The following PSMC4 variants were observed in gnomAD, a reference collection of about 807,000 sequenced individuals.
The protein encoded by PSMC4 is 26S proteasome regulatory subunit 6B.
In PSMC4, 13 loss-of-function variants were observed where a neutral mutation model predicts 48.4. The observed-to-expected ratio is 0.27, with a 90% CI of 0.18 to 0.43. PSMC4 has a LOEUF of 0.43. Ranked by LOEUF, PSMC4 falls within the 20% of genes least tolerant of loss-of-function variation. The pLI is 1.00. For missense variants in PSMC4, 262 were observed against 555.9 expected (o/e 0.47, Z 5.32); for synonymous variants, 202 against 212.3 (o/e 0.95, Z 0.42).
rs148487688 is a variant in PSMC4, at chr19:39,977,104, T to C, written c.673+2276T>C. Among the ~76,000 whole-genome samples, 977 of 151,252 alleles carry C rather than the reference T, an allele frequency of 6.5e-3. 6 individuals are homozygous for C. The highest frequency in any genetic ancestry group is 0.021 in the African/African-American group (882 of 41,180). On this transcript the variant is annotated intron_variant, in intron 6 of 10. Coordinates refer to ENST00000157812, the MANE Select transcript of PSMC4 (RefSeq NM_006503.4). ...CTGGCCTCAGGTGATCCACCCACCT[T>C]GGCCTCCCAAAATTCTGGGATTACA...
intron 3 of PSMC4, among the ~76,000 whole-genome samples, chr19:39,973,173 C>A (rs1971133275): frequency 6.6e-6 from 1 of 152,140 alleles, no homozygotes; most frequent in African/African-American, 2.4e-5. Context: ...TGTTTTCTAT[C>A]CTATTCTAGT....
Position 39,980,667 on chromosome 19 carries a change from G to T in PSMC4, c.1093G>T (p.Ala365Ser), listed in dbSNP as rs745847777. Residue 365 changes from alanine to serine, a missense_variant, in exon 10 of 11, where the codon GCC becomes TCC. Around this residue, in one of 4 missense-constraint regions of PSMC4, gnomAD observed 84 missense variants for 157.8 expected, o/e 0.53. Transcript: ENST00000157812. The surrounding 1 kb of genome is among the most constrained non-coding windows in gnomAD (Gnocchi z 4.8). Reference sequence around the variant, plus strand: ...GTTTCCTTAACTCGCTGCAGATGTGGCCCGGCCAGATAAGATTTCAGGAGC... The same window carrying T: ...GTTTCCTTAACTCGCTGCAGATGTGTCCCGGCCAGATAAGATTTCAGGAGC... ...SEEVDLEDYV[A>S]RPDKISGADI... The T allele has an allele frequency of 6.2e-7, 1 of 1,614,032 alleles. No homozygotes were observed. The highest frequency in any genetic ancestry group is 1.1e-5 in the South Asian group (1 of 91,072).
rs753082611 is a variant in PSMC4, at chr19:39,980,333, A to G, written c.966A>G (p.Leu322=). The G allele has an allele frequency of 1.9e-6, 3 of 1,613,958 alleles. No individual in the cohort carries two copies. The highest frequency in any genetic ancestry group is 2.5e-6 in the Non-Finnish European group (3 of 1,180,028). Residue 322 remains leucine (L), a synonymous_variant, in exon 9 of 11, where the codon CTA becomes CTG. Coordinates refer to ENST00000157812, the MANE Select transcript of PSMC4 (RefSeq NM_006503.4). This position sits in a 1 kb window ranked among gnomAD's most constrained non-coding sequence, Gnocchi z 4.8. ...CAGACACCCTGGATCCGGCCCTGCT[A>G]CGGCCAGGACGGCTGGACCGTAAAA... The part of the protein sequence containing the change: ...NRADTLDPAL[L]RPGRLDRKIE...
intron 6 of PSMC4, among the ~76,000 whole-genome samples, chr19:39,978,456 C>A (rs1291951125): frequency 6.6e-6 from 1 of 152,066 alleles, no homozygotes; most frequent in Non-Finnish European, 1.5e-5. Flanking sequence ...AGTCAGAAAT[C>A]TTGAGGTTAG....
rs373773577 is a variant in PSMC4, at chr19:39,974,664, A to G, written c.579+31A>G. The G allele has an allele frequency of 1.3e-6, 2 of 1,571,382 alleles. No homozygotes were observed. The highest frequency in any genetic ancestry group is 2.7e-5 in the African/African-American group (2 of 74,548). On this transcript the variant is annotated intron_variant, in intron 5 of 10. Coordinates refer to ENST00000157812, the MANE Select transcript of PSMC4 (RefSeq NM_006503.4). The surrounding 1 kb of genome is among the most constrained non-coding windows in gnomAD (Gnocchi z 5.5). ...GCGGTGCAGGTGGCAGGGAAGGGAG[A>G]GGCCCCATTGGGTCTGGGGTTGGAG...
Position 39,981,133 on chromosome 19 carries a change from A to T in PSMC4, c.1144-59A>T, listed in dbSNP as rs555047877. 7.5e-5 allele frequency: 99 copies of T among 1,313,228 alleles called. No individual in the cohort carries two copies. The South Asian group carries it at 1.1e-3, about 14-fold the overall frequency. The allele number at this position is 1,313,228 out of a possible 1,614,324, so 81.3% of individuals were successfully genotyped here. ...CAGCCTCCCAAAGTGTCGGGATTAC[A>T]GGTGTGAGCCACTGTGCCCTGCCAC... On this transcript the variant is annotated intron_variant, in intron 10 of 10. Transcript: ENST00000157812.
intron 6 of PSMC4, chr19:39,979,582 A>C: frequency 8.4e-6 from 3 of 355,420 alleles, no homozygotes; most frequent in South Asian, 1.5e-4. Context: ...AAAAAGTGAC[A>C]CATTTGTAAG....
At position 39,971,268 on chromosome 19, in the gene PSMC4, G is replaced by C. The variant is rs1599725290; in HGVS notation, c.36+30G>C. 5.6e-6 allele frequency: 9 copies of C among 1,613,932 alleles called. No homozygotes were observed. The East Asian group carries it at 2.0e-4, about 36-fold the overall frequency. On this transcript the variant is annotated intron_variant, in intron 1 of 10. Coordinates refer to ENST00000157812, the MANE Select transcript of PSMC4 (RefSeq NM_006503.4). Reference sequence around the variant, plus strand: ...AGTGGGGACTTGGGCTTTTTAGTCCGGGCCGGGCTCGCGGGGAGAGGGTGA... The same window carrying C: ...AGTGGGGACTTGGGCTTTTTAGTCCCGGCCGGGCTCGCGGGGAGAGGGTGA...
intron 6 of PSMC4, chr19:39,979,413 T>A (rs1362549752): frequency 6.5e-6 from 1 of 153,838 alleles, no homozygotes; most frequent in African/African-American, 2.4e-5. Context: ...ATACAAAAAT[T>A]AGCTTGGCAT....
intron 6 of PSMC4, among the ~76,000 whole-genome samples, chr19:39,979,201 T>C (rs185464630): frequency 1.2e-4 from 18 of 152,322 alleles, no homozygotes; most frequent in African/African-American, 3.6e-4. Flanking sequence ...TCCAGAAATG[T>C]AGACTGGTTT....
chr19:39,979,668 C>A, intron 6 of PSMC4, 149 bp from the exon 7 acceptor site: 2 of 697,634 alleles, frequency 2.9e-6, no homozygotes, highest in Non-Finnish European at 4.2e-6. Flanking sequence ...GGATGTGGGG[C>A]TCACCCTTGG....
At chr19:39,972,933 A>G (rs889649244) in intron 3 of PSMC4, among the ~76,000 whole-genome samples, 2 of 151,966 alleles carry the variant, frequency 1.3e-5, no homozygotes, top group Admixed American at 1.3e-4. Context: ...ATTAGTAGAG[A>G]CAGGGTTTCA....
intron 3 of PSMC4, 140 bp downstream of exon 3, chr19:39,972,695 A>ATACATATATATATGTGT: frequency 1.8e-6 from 1 of 552,638 alleles, no homozygotes; most frequent in Non-Finnish European, 3.1e-6. Context: ...GTAGAAATAC[A>ATACATATATATATGTGT]TACATATATA....
At chr19:39,972,698 C>CAT (rs148599802) in intron 3 of PSMC4, 143 bp downstream of exon 3, 14,250 of 519,558 alleles carry the variant, frequency 0.027, 1,527 homozygotes, top group African/African-American at 0.24. Flanking sequence ...GAAATACATA[C>CAT]ATATATATAT....
At chr19:39,978,673 C>A (rs543145267) in intron 6 of PSMC4, among the ~76,000 whole-genome samples, 1 of 152,214 alleles carries the variant, frequency 6.6e-6, no homozygotes, top group African/African-American at 2.4e-5. Flanking sequence ...GGGTATGCTT[C>A]ATACAACACA....
chr19:39,972,094 C>G lies in PSMC4; in HGVS notation c.37-52C>G, dbSNP rs374386757. On this transcript the variant is annotated intron_variant, in intron 1 of 10. Coordinates refer to ENST00000157812, the MANE Select transcript of PSMC4 (RefSeq NM_006503.4). ...AACAAACATTAGTGAAGTTGGGAAG[C>G]TTTCATGAGAGGACTGTCTTCTTCC... The G allele has an allele frequency of 2.0e-6, 3 of 1,530,976 alleles. No individual in the cohort carries two copies. In the African/African-American group the frequency reaches 4.1e-5, roughly 21 times the overall value. The allele number at this position is 1,530,976 out of a possible 1,614,324, so 94.8% of individuals were successfully genotyped here. A position where few individuals can be genotyped will look rare whatever the true frequency, so the allele number is the denominator to read the frequency against.
chr19:39,980,107 G>C lies in PSMC4; in HGVS notation c.879G>C (p.Leu293=). Residue 293 remains leucine, a synonymous_variant, in exon 8 of 11, where the codon CTG becomes CTC. Transcript: ENST00000157812. This position sits in a 1 kb window ranked among gnomAD's most constrained non-coding sequence, Gnocchi z 4.8. The part of the protein sequence containing the change: ...REVQRILLEL[L]NQMDGFDQNV... The stretch of plus-strand genomic sequence containing the variant: ...TTCAGAGGATCCTGCTGGAGCTGCT[G>C]AATCAGATGGATGGATTTGATCAGA... 1 of 1,614,178 alleles carries C rather than the reference G, an allele frequency of 6.2e-7. No individual in the cohort carries two copies. The highest frequency in any genetic ancestry group is 8.5e-7 in the Non-Finnish European group (1 of 1,180,030).
Position 39,978,506 on chromosome 19 carries a change from A to G in PSMC4, c.674-1311A>G, listed in dbSNP as rs191284496. ...CCCCAGCTGATGCAAGTATCAAGAA[A>G]GAGGGACCCCTTGAGCCAGGTGTAA... On this transcript the variant is annotated intron_variant, in intron 6 of 10. Transcript: ENST00000157812. Among the ~76,000 whole-genome samples, 81 of 152,254 alleles carry G rather than the reference A, an allele frequency of 5.3e-4. 2 individuals carry two copies. In the Middle Eastern group the frequency reaches 0.01, roughly 19 times the overall value.
chr19:39,973,600 A>G (rs941785702), intron 3 of PSMC4, among the ~76,000 whole-genome samples: 4 of 151,892 alleles, frequency 2.6e-5, no homozygotes, highest in Non-Finnish European at 4.4e-5. Flanking sequence ...AAAAAAAAAA[A>G]AAAATACTGG....
Sources: gnomAD v4.1 joint callset for allele counts (sites outside exome capture counted in the v4.1 genomes callset) on GRCh38, gnomAD v4.1.1 for gene constraint, gnomAD v4.1.1 regional missense constraint, Gnocchi (gnomAD v3.1) non-coding constraint, MANE v1.5 for transcripts, NCBI Gene and HGNC (gene_info 2026-07-23, HGNC 2026-07-21) for gene names.